PACS1: variants seen among roughly 807,000 people sequenced by gnomAD.
The protein encoded by PACS1 is phosphofurin acidic cluster sorting protein 1, also known as PACS-1.
PACS1 carries 24 observed loss-of-function variants against 115.0 expected under a neutral mutation model. That is an observed-to-expected ratio of 0.21 (90% confidence interval 0.15 to 0.29). The LOEUF is 0.29. PACS1 is among the 10% of genes least tolerant of loss of function. PACS1 has a pLI of 1.00. For missense variants in PACS1, 838 were observed against 1,251.2 expected, an observed-to-expected ratio of 0.67 and a Z score of 4.98; for synonymous variants, 453 against 504.5, an observed-to-expected ratio of 0.90 and a Z score of 1.37.
chr11:66,134,109 C>T (rs1305058117), intron 1 of PACS1, among the ~76,000 whole-genome samples: 2 of 152,048 alleles, frequency 1.3e-5, no homozygotes, highest in African/African-American at 2.4e-5. Flanking sequence ...TCTGTGCTCC[C>T]TGAAATCCCC....
intron 1 of PACS1, among the ~76,000 whole-genome samples, chr11:66,136,920 C>G (rs1858857906): frequency 6.6e-6 from 1 of 152,042 alleles, no homozygotes; most frequent in Non-Finnish European, 1.5e-5. Context: ...GCTCTCCAGC[C>G]TCAGCATTGC....
At chr11:66,196,057 CA>C (rs1448673501) in intron 2 of PACS1, among the ~76,000 whole-genome samples, 6 of 152,204 alleles carry the variant, frequency 3.9e-5, no homozygotes, top group African/African-American at 1.4e-4. Flanking sequence ...TTTACCATCT[CA>C]TGAGTGAAAT....
intron 1 of PACS1, among the ~76,000 whole-genome samples, chr11:66,175,863 A>C (rs751754005): frequency 6.6e-6 from 1 of 152,104 alleles, no homozygotes; most frequent in African/African-American, 2.4e-5. Context: ...GAAATATCAC[A>C]GGGTTGATTC....
At chr11:66,167,939 G>T (rs1223712581) in intron 1 of PACS1, among the ~76,000 whole-genome samples, 1 of 150,266 alleles carries the variant, frequency 6.7e-6, no homozygotes, top group Non-Finnish European at 1.5e-5. Flanking sequence ...TCCCCACCTT[G>T]TTTCTTTTCT....
At chr11:66,093,927 A>G (rs1857720625) in intron 1 of PACS1, among the ~76,000 whole-genome samples, 1 of 152,174 alleles carries the variant, frequency 6.6e-6, no homozygotes, top group Non-Finnish European at 1.5e-5. Flanking sequence ...GAAACTGAAC[A>G]ACCTGCTCCT....
intron 11 of PACS1, among the ~76,000 whole-genome samples, chr11:66,229,785 A>G (rs555145135): frequency 9.9e-5 from 15 of 152,174 alleles, no homozygotes; most frequent in Admixed American, 3.3e-4. Flanking sequence ...CTACTAAAAA[A>G]GAAATACAAA....
intron 14 of PACS1, among the ~76,000 whole-genome samples, 194 bp from the exon 15 acceptor site, chr11:66,232,766 T>C (rs576542638): frequency 3.9e-5 from 6 of 152,040 alleles, no homozygotes; most frequent in Non-Finnish European, 7.4e-5. Context: ...TCTCACACTC[T>C]GCGTGTCTCG....
chr11:66,235,505 T>G lies in PACS1; in HGVS notation c.2207+102T>G. On this transcript the variant is annotated intron_variant, in intron 18 of 23. Coordinates refer to ENST00000320580, the MANE Select transcript of PACS1 (RefSeq NM_018026.4). This position sits in a 1 kb window ranked among gnomAD's most constrained non-coding sequence, Gnocchi z 5.6. ...ACATTTTCCTTCTCCACATGCTATA[T>G]TCCTTCATAGGAACCCAAAAGGATA... 3.5e-6 allele frequency: 3 copies of G among 858,474 alleles called. No homozygotes were observed. The highest frequency in any genetic ancestry group is 4.4e-5 in the Admixed American group (2 of 45,718). The allele number at this position is 858,474 out of a possible 1,614,324, so 53.2% of individuals were successfully genotyped here.
chr11:66,106,765 A>G (rs1858052431), intron 1 of PACS1, among the ~76,000 whole-genome samples: 2 of 149,566 alleles, frequency 1.3e-5, no homozygotes, highest in South Asian at 4.2e-4. Flanking sequence ...GTCTCAGAGA[A>G]AAAAAAAAAA....
intron 2 of PACS1, among the ~76,000 whole-genome samples, chr11:66,197,667 C>CTGCA (rs1418108461): frequency 6.6e-6 from 1 of 152,148 alleles, no homozygotes; most frequent in Admixed American, 6.6e-5. Flanking sequence ...TGGCATATGC[C>CTGCA]TGCAGTCCCA....
intron 1 of PACS1, among the ~76,000 whole-genome samples, chr11:66,174,033 G>A (rs980140850): frequency 8.6e-5 from 13 of 151,826 alleles, no homozygotes; most frequent in Admixed American, 3.3e-4. Flanking sequence ...GCTGGGCAAC[G>A]GAGCAAGACT....
chr11:66,241,333 C>T (rs778033451), intron 21 of PACS1, 94 bp from the exon 22 acceptor site: 24 of 915,142 alleles, frequency 2.6e-5, no homozygotes, highest in Non-Finnish European at 3.3e-5. Flanking sequence ...TCAGCCTGCC[C>T]TCCCGGGGAC....
At chr11:66,177,270 G>A (rs1859887109) in intron 1 of PACS1, among the ~76,000 whole-genome samples, 2 of 152,126 alleles carry the variant, frequency 1.3e-5, no homozygotes, top group African/African-American at 4.8e-5. Context: ...TGAAAGTGGT[G>A]CATCCACCAC....
Position 66,070,332 on chromosome 11 carries a change from C to A in PACS1, c.-155C>A. The A allele has an allele frequency of 3.7e-6, 1 of 271,902 alleles. No individual in the cohort carries two copies. The highest frequency in any genetic ancestry group is 6.3e-6 in the Non-Finnish European group (1 of 159,534). 16.8% of individuals were successfully genotyped at this position (271,902 alleles called of 1,614,324 possible). ...GCGGTCGAGCGCGAGGCCCGCGCGC[C>A]CAGAGGCCCCGCGCGTGCGTGCAGC... is the stretch of plus-strand genomic sequence containing the variant. On this transcript the variant is annotated 5_prime_UTR_variant, in exon 1 of 24. Transcript: ENST00000320580. The surrounding 1 kb of genome is among the most constrained non-coding windows in gnomAD (Gnocchi z 5.9).
rs781666830 is a variant in PACS1, at chr11:66,230,615, C to T, written c.1442C>T (p.Thr481Ile). ...TSLVVPEKVK[T>I]PMKSSKTDLQ... ...CTGGTTGTGCCGGAGAAAGTCAAAA[C>T]TCCCATGAAGTCCAGTAAAACGGAT... The change falls in exon 12 of 24, where the codon ACT (threonine) becomes ATT (isoleucine). Residue 481 changes from threonine to isoleucine, a missense_variant. By Grantham distance (89) the Thr-to-Ile change is moderately conservative (BLOSUM62 -1). Around this residue, in one of 6 missense-constraint regions of PACS1, gnomAD observed 383 missense variants for 537.0 expected, o/e 0.71. Coordinates refer to ENST00000320580, the MANE Select transcript of PACS1 (RefSeq NM_018026.4). 38 of 1,614,058 alleles carry T rather than the reference C, an allele frequency of 2.4e-5. No individual in the cohort carries two copies. Among genetic ancestry groups the T allele is most frequent in the Non-Finnish European group, 2.5e-5 (30 of 1,180,018 alleles).
At chr11:66,211,772 C>T (rs1855076188) in intron 4 of PACS1, among the ~76,000 whole-genome samples, 1 of 152,202 alleles carries the variant, frequency 6.6e-6, no homozygotes, top group Admixed American at 6.5e-5. Flanking sequence ...GATAAGATTG[C>T]CGTCTAACCC....
chr11:66,178,509 TA>T (rs1859927082), intron 1 of PACS1, among the ~76,000 whole-genome samples: 1 of 152,198 alleles, frequency 6.6e-6, no homozygotes, highest in Non-Finnish European at 1.5e-5. Context: ...AGAGCAGTGC[TA>T]AAAAATTCTT....
At chr11:66,103,695 G>C (rs1857971485) in intron 1 of PACS1, among the ~76,000 whole-genome samples, 1 of 151,628 alleles carries the variant, frequency 6.6e-6, no homozygotes, top group Non-Finnish European at 1.5e-5. Context: ...ATTTTTTTTA[G>C]TGGAGACGGG....
intron 23 of PACS1, 62 bp downstream of exon 23, chr11:66,243,093 T>C: frequency 1.9e-6 from 3 of 1,612,328 alleles, no homozygotes; most frequent in Non-Finnish European, 2.5e-6. Context: ...AGGCAGGCAA[T>C]GGCCTTTCCC....
Sources: allele counts gnomAD v4.1 joint callset (sites outside exome capture counted in the v4.1 genomes callset), GRCh38; gene constraint gnomAD v4.1.1; regional missense constraint gnomAD v4.1.1; non-coding constraint Gnocchi (gnomAD v3.1); transcripts MANE v1.5; gene names NCBI Gene and HGNC (gene_info 2026-07-23, HGNC 2026-07-21).